PXN: variants seen among roughly 807,000 people sequenced by gnomAD.
PXN encodes the protein paxillin.
Under a neutral mutation model 103.6 loss-of-function variants are expected in PXN, and 61 were observed. The observed-to-expected ratio is 0.59, with a 90% CI of 0.48 to 0.73. The LOEUF is 0.73. Among genes scored for constraint, PXN ranks in the 30% least tolerant of loss-of-function variants. PXN has a pLI of 0.00. For synonymous variants in PXN, 562 were observed against 607.8 expected (o/e 0.92, Z 1.11); for missense variants, 1,274 against 1,460.3 (o/e 0.87, Z 2.08).
In PXN at chr12:120,214,001, G is replaced by A; in HGVS notation, c.2831-11C>T. On this transcript the variant is annotated splice_polypyrimidine_tract_variant and intron_variant, in intron 13 of 14. Transcript: ENST00000637617. This position sits in a 1 kb window ranked among gnomAD's most constrained non-coding sequence, Gnocchi z 5.0. ...CCTTCTCGTGGAACCCTGGGGAGCGGGGGTTTTGGAGGCACAGTTCATTCC... is the reference window on the plus strand; with the variant it reads ...CCTTCTCGTGGAACCCTGGGGAGCGAGGGTTTTGGAGGCACAGTTCATTCC... 6.2e-7 allele frequency: 1 copy of A among 1,610,878 alleles called. No individual in the cohort carries two copies. The highest frequency in any genetic ancestry group is 8.5e-7 in the Non-Finnish European group (1 of 1,178,912).
At chr12:120,256,220 G>T (rs1192916296) in intron 1 of PXN, among the ~76,000 whole-genome samples, 2 of 152,038 alleles carry the variant, frequency 1.3e-5, no homozygotes, top group Non-Finnish European at 2.9e-5. Flanking sequence ...AGACCAGCCT[G>T]AGAAACATAA....
intron 1 of PXN, among the ~76,000 whole-genome samples, chr12:120,245,434 GA>G (rs952686657): frequency 2.9e-4 from 40 of 137,522 alleles, no homozygotes; most frequent in East Asian, 6.3e-4. Flanking sequence ...AGGAGGGGAA[GA>G]AAAAAAAAAA....
chr12:120,223,087 G>A, intron 3 of PXN, 88 bp from the exon 4 acceptor site: 1 of 1,599,742 alleles, frequency 6.3e-7, no homozygotes, highest in Non-Finnish European at 8.5e-7. Flanking sequence ...AGGAGAACAA[G>A]GCAGAGGAGA....
At chr12:120,249,796 A>C (rs1254737353) in intron 1 of PXN, 1 of 938,288 alleles carries the variant, frequency 1.1e-6, no homozygotes, top group Non-Finnish European at 1.3e-6. Flanking sequence ...AGTTCTTGGA[A>C]AGTTCAGGAC....
In PXN at chr12:120,219,429, C is replaced by T. The variant is rs1384695917; in HGVS notation, c.1494G>A (p.Arg498=). The change falls in exon 7 of 15, where the codon AGG becomes AGA. Residue 498 remains arginine, a synonymous_variant. Coordinates refer to ENST00000637617, the MANE Select transcript of PXN (RefSeq NM_001385981.1). This position sits in a 1 kb window ranked among gnomAD's most constrained non-coding sequence, Gnocchi z 6.5. ...QQERPRPEPG[R]LGSSSPASVT... is the part of the protein sequence containing the mutation. ...CTGAGGCAGGGGAGCTGCTTCCCAG[C>T]CTCCCTGGCTCTGGCCTTGGCCTCT... 5.0e-6 allele frequency: 8 copies of T among 1,598,038 alleles called. No individual in the cohort carries two copies. Among genetic ancestry groups the T allele is most frequent in the South Asian group, 1.1e-5 (1 of 91,066 alleles).
chr12:120,257,534 G>A (rs1381024143), intron 1 of PXN, among the ~76,000 whole-genome samples: 1 of 152,196 alleles, frequency 6.6e-6, no homozygotes, highest in African/African-American at 2.4e-5. Context: ...CTGGCTGCCC[G>A]AAATGTTTCT....
In PXN at chr12:120,219,098, G is replaced by A. The variant is rs1053518990; in HGVS notation, c.1716+109C>T. 31 of 1,211,292 alleles carry A rather than the reference G, an allele frequency of 2.6e-5. No homozygotes were observed. The highest frequency in any genetic ancestry group is 3.1e-5 in the African/African-American group (2 of 65,184). The allele number at this position is 1,211,292 out of a possible 1,614,324, so 75.0% of individuals were successfully genotyped here. A position where few individuals can be genotyped will look rare whatever the true frequency, so the allele number is the denominator to read the frequency against. ...CGGCCACAGTGTCTCAGCATTTTCT[G>A]CCCAAGCAGACATGCGCAGAGTGGG... On this transcript the variant is annotated intron_variant, in intron 7 of 14. Coordinates refer to ENST00000637617, the MANE Select transcript of PXN (RefSeq NM_001385981.1). This position sits in a 1 kb window ranked among gnomAD's most constrained non-coding sequence, Gnocchi z 6.5.
chr12:120,238,785 T>A (rs1329536760), intron 1 of PXN, among the ~76,000 whole-genome samples: 1 of 152,232 alleles, frequency 6.6e-6, no homozygotes, highest in East Asian at 1.9e-4. Flanking sequence ...TTCTGCAGTG[T>A]CTGCAGAGAT....
intron 1 of PXN, among the ~76,000 whole-genome samples, chr12:120,261,293 C>A (rs1260867450): frequency 6.6e-6 from 1 of 152,148 alleles, no homozygotes; most frequent in South Asian, 2.1e-4. Context: ...CGGGTTCAAG[C>A]GATTCTCCTG....
At chr12:120,257,090 C>T (rs567192447) in intron 1 of PXN, among the ~76,000 whole-genome samples, 11 of 152,106 alleles carry the variant, frequency 7.2e-5, no homozygotes, top group Non-Finnish European at 1.5e-4. Flanking sequence ...ACACACAGAC[C>T]GGGATCCAGA....
chr12:120,255,316 G>A (rs1460717476), intron 1 of PXN, among the ~76,000 whole-genome samples: 1 of 152,144 alleles, frequency 6.6e-6, no homozygotes, highest in Non-Finnish European at 1.5e-5. Context: ...GCTTAAGGAA[G>A]GGAGAAAAAA....
intron 3 of PXN, 50 bp from the exon 4 acceptor site, chr12:120,223,049 T>A: frequency 6.2e-7 from 1 of 1,613,252 alleles, no homozygotes; most frequent in Non-Finnish European, 8.5e-7. Context: ...TCTGGCCTTG[T>A]ACTGGCTTGG....
Position 120,215,943 on chromosome 12 carries a change from T to A in PXN, c.2302-282A>T. On this transcript the variant is annotated intron_variant, in intron 9 of 14. Transcript: ENST00000637617. The surrounding 1 kb of genome is among the most constrained non-coding windows in gnomAD (Gnocchi z 4.9). Reference sequence around the variant, plus strand: ...ATGAGGCCTCACCGGGCGCTGGGCCTGGGGGCTGGAAGGGAGGAGACAGGT... The same window carrying A: ...ATGAGGCCTCACCGGGCGCTGGGCCAGGGGGCTGGAAGGGAGGAGACAGGT... The A allele has an allele frequency of 7.2e-7, 1 of 1,380,212 alleles. No homozygotes were observed. The highest frequency in any genetic ancestry group is 9.4e-7 in the Non-Finnish European group (1 of 1,067,652). 85.5% of individuals were successfully genotyped at this position (1,380,212 alleles called of 1,614,324 possible). A position where few individuals can be genotyped will look rare whatever the true frequency, so the allele number is the denominator to read the frequency against.
chr12:120,212,533 C>T lies in PXN; in HGVS notation c.3027G>A (p.Gly1009=), dbSNP rs779572205. 1.2e-6 allele frequency: 2 copies of T among 1,613,662 alleles called. No homozygotes were observed. The highest frequency in any genetic ancestry group is 1.7e-6 in the Non-Finnish European group (2 of 1,179,720). ...GGTAGTGCACCTCACAGTAGGGCTG[C>T]CCGTCGTGCTCGAAGAAGCTGCCGT... is the stretch of plus-strand genomic sequence containing the variant. ...FVNGSFFEHD[G]QPYCEVHYHE... Residue 1009 remains glycine, a synonymous_variant, in exon 15 of 15, where the codon GGG becomes GGA. Coordinates refer to ENST00000637617, the MANE Select transcript of PXN (RefSeq NM_001385981.1). The surrounding 1 kb of genome is among the most constrained non-coding windows in gnomAD (Gnocchi z 7.2).
intron 1 of PXN, among the ~76,000 whole-genome samples, chr12:120,254,362 G>A (rs183312004): frequency 2.6e-4 from 40 of 152,254 alleles, no homozygotes; most frequent in African/African-American, 8.9e-4. Flanking sequence ...TAAGAAAATC[G>A]TACTCGGGAT....
At chr12:120,256,826 T>G (rs1328719229) in intron 1 of PXN, among the ~76,000 whole-genome samples, 1 of 152,170 alleles carries the variant, frequency 6.6e-6, no homozygotes, top group Non-Finnish European at 1.5e-5. Context: ...CAAGGAATTC[T>G]CCTGCCTCAG....
intron 1 of PXN, among the ~76,000 whole-genome samples, chr12:120,227,831 G>A (rs567153240): frequency 6.6e-6 from 1 of 152,284 alleles, no homozygotes; most frequent in Non-Finnish European, 1.5e-5. Flanking sequence ...GCAAATACCT[G>A]AGACTTCCCC....
intron 1 of PXN, among the ~76,000 whole-genome samples, chr12:120,242,816 G>C (rs1890382119): frequency 6.6e-6 from 1 of 151,762 alleles, no homozygotes; most frequent in Admixed American, 6.6e-5. Flanking sequence ...GGGAGGCAGA[G>C]GTTGCAGTGA....
At chr12:120,223,044 C>T (rs1885674003) in intron 3 of PXN, 45 bp from the exon 4 acceptor site, 8 of 1,613,444 alleles carry the variant, frequency 5.0e-6, no homozygotes, top group Non-Finnish European at 6.8e-6. Flanking sequence ...TGCTTTCTGG[C>T]CTTGTACTGG....
Sources: allele counts gnomAD v4.1 joint callset (sites outside exome capture counted in the v4.1 genomes callset), GRCh38; gene constraint gnomAD v4.1.1; non-coding constraint Gnocchi (gnomAD v3.1); transcripts MANE v1.5; gene names NCBI Gene and HGNC (gene_info 2026-07-23, HGNC 2026-07-21).